Variants in CES4A observed in about 807,000 individuals in gnomAD.
CES4A encodes the protein carboxylesterase 4A, also known as carboxylesterase 6.
CES4A carries 48 observed loss-of-function variants against 65.4 expected under a neutral mutation model. The ratio of observed to expected loss-of-function variants is 0.73; its 90% CI spans 0.58 to 0.93. CES4A has a LOEUF of 0.93. Ranked by LOEUF, CES4A falls within the 40% of genes least tolerant of loss-of-function variation. CES4A has a pLI of 0.00. For missense variants in CES4A, 685 were observed against 728.5 expected, an observed-to-expected ratio of 0.94 and a Z score of 0.69; for synonymous variants, 247 against 281.8, an observed-to-expected ratio of 0.88 and a Z score of 1.24.
intron 10 of CES4A, 79 bp from the exon 11 acceptor site, chr16:67,005,161 A>C: frequency 1.1e-5 from 16 of 1,394,794 alleles, no homozygotes; most frequent in African/African-American, 1.4e-5. Flanking sequence ...GGGGCTGAGC[A>C]TGGATCCAAG....
rs1357116828 is a variant in CES4A, at chr16:67,001,397, G to A, written c.626G>A (p.Gly209Glu). 6.2e-7 allele frequency: 1 copy of A among 1,613,804 alleles called. No individual in the cohort carries two copies. Among genetic ancestry groups the A allele is most frequent in the Non-Finnish European group, 8.5e-7 (1 of 1,179,922 alleles). ...GTGCAGGAGAACATCGCAGCCTTCG[G>A]GGGAGACCCAGGAAATGTGACCCTG... Residue 209 changes from glycine to glutamate, a missense_variant, in exon 5 of 14, where the codon GGG becomes GAG. Transcript: ENST00000648724. This position sits in a 1 kb window ranked among gnomAD's most constrained non-coding sequence, Gnocchi z 4.1.
chr16:67,000,871 C>T lies in CES4A; in HGVS notation c.417C>T (p.Phe139=). The change falls in exon 4 of 14, where the codon TTC becomes TTT. Residue 139 remains phenylalanine, a synonymous_variant. Coordinates refer to ENST00000648724, the Ensembl canonical transcript of CES4A. This position sits in a 1 kb window ranked among gnomAD's most constrained non-coding sequence, Gnocchi z 4.2. Reference sequence around the variant, plus strand: ...TCTTCGTCCAGGTGATGGTCTGGTTCCCGGGAGGCGCCTTCATCGTGGGCG... The same window carrying T: ...TCTTCGTCCAGGTGATGGTCTGGTTTCCGGGAGGCGCCTTCATCGTGGGCG... 1.2e-6 allele frequency: 2 copies of T among 1,601,310 alleles called. No individual in the cohort carries two copies. Among genetic ancestry groups the T allele is most frequent in the South Asian group, 1.1e-5 (1 of 88,862 alleles).
intron 11 of CES4A, chr16:67,005,718 G>A (rs530340118): frequency 2.1e-4 from 54 of 255,746 alleles, no homozygotes; most frequent in African/African-American, 2.5e-4. Flanking sequence ...CTGTAGTGGC[G>A]CATGCCTATA....
chr16:66,994,528 G>T (rs1349688334), intron 1 of CES4A, among the ~76,000 whole-genome samples: 1 of 150,336 alleles, frequency 6.7e-6, no homozygotes, highest in Non-Finnish European at 1.5e-5. Flanking sequence ...ACTTTTATAT[G>T]CTTACTGATA....
At chr16:67,009,183 C>T (rs765378097) in exon 14 of CES4A, 2 of 1,580,156 alleles carry the variant, frequency 1.3e-6, no homozygotes, top group East Asian at 4.5e-5. Flanking sequence ...GGTTTGCCCC[C>T]ACCATCCAGG....
Position 67,000,516 on chromosome 16 carries a change from TGCGCACGCACAC to T in CES4A, c.261-119_261-108del. ...TCCTGTACACGCACACGCACGCACA[TGCGCACGCACAC>T]GCACGCGCACAGACGCTGCCTGGAT... On this transcript the variant is annotated intron_variant, in intron 2 of 13. Coordinates refer to ENST00000648724, the Ensembl canonical transcript of CES4A. This position sits in a 1 kb window ranked among gnomAD's most constrained non-coding sequence, Gnocchi z 4.2. 1 of 1,450,268 alleles carries T rather than the reference TGCGCACGCACAC, an allele frequency of 6.9e-7. No homozygotes were observed. Among genetic ancestry groups the T allele is most frequent in the Non-Finnish European group, 9.1e-7 (1 of 1,099,802 alleles). The allele number at this position is 1,450,268 out of a possible 1,614,324, so 89.8% of individuals were successfully genotyped here. A position where few individuals can be genotyped will look rare whatever the true frequency, so the allele number is the denominator to read the frequency against.
intron 5 of CES4A, among the ~76,000 whole-genome samples, chr16:67,002,857 C>G (rs747673514): frequency 2.6e-5 from 4 of 152,112 alleles, no homozygotes; most frequent in Non-Finnish European, 4.4e-5. Flanking sequence ...CACATCCCCT[C>G]TGGAACCCAC....
At chr16:66,990,952 G>T (rs777945229) in intron 1 of CES4A, among the ~76,000 whole-genome samples, 3 of 152,058 alleles carry the variant, frequency 2.0e-5, no homozygotes, top group Non-Finnish European at 2.9e-5. Flanking sequence ...TTTCACAGGG[G>T]AGAGACCCAG....
chr16:67,005,172 T>TCA, intron 10 of CES4A, 68 bp from the exon 11 acceptor site: 2 of 1,518,126 alleles, frequency 1.3e-6, no homozygotes, highest in Non-Finnish European at 1.8e-6. Flanking sequence ...TGGATCCAAG[T>TCA]CACTGGTGGG....
chr16:66,994,976 C>T (rs892722394), intron 1 of CES4A, among the ~76,000 whole-genome samples: 1 of 151,884 alleles, frequency 6.6e-6, no homozygotes, highest in African/African-American at 2.4e-5. Flanking sequence ...TGCACTCCAG[C>T]CTGGGCGATA....
At chr16:67,005,421 A>G in intron 11 of CES4A, 28 bp downstream of exon 11, 2 of 1,608,616 alleles carry the variant, frequency 1.2e-6, no homozygotes, top group African/African-American at 1.3e-5. Flanking sequence ...GAGTGGCCAC[A>G]CTGGCCCCGT....
chr16:66,999,966 G>T (rs976771528), intron 2 of CES4A, among the ~76,000 whole-genome samples: 5 of 152,118 alleles, frequency 3.3e-5, no homozygotes, highest in Admixed American at 2.6e-4. Flanking sequence ...GGGAGGCAAG[G>T]GGCCACATGT....
intron 13 of CES4A, chr16:67,008,668 G>A: frequency 4.0e-6 from 1 of 250,282 alleles, no homozygotes; most frequent in Non-Finnish European, 7.7e-6. Context: ...CCAAAGTGCT[G>A]GGATTACAGG....
At chr16:66,994,347 T>C (rs1389628851) in intron 1 of CES4A, among the ~76,000 whole-genome samples, 2 of 147,834 alleles carry the variant, frequency 1.4e-5, no homozygotes, top group African/African-American at 4.9e-5. Flanking sequence ...GCAATTCTCC[T>C]GCCTCAGCCT....
rs1965307266 is a variant in CES4A at position 67,001,161 on chromosome 16, C to A, written c.537-147C>A. The A allele has an allele frequency of 2.8e-5, 38 of 1,355,062 alleles. No homozygotes were observed. The South Asian group carries it at 5.5e-4, about 20-fold the overall frequency. The allele number at this position is 1,355,062 out of a possible 1,614,324, so 83.9% of individuals were successfully genotyped here. A position where few individuals can be genotyped will look rare whatever the true frequency, so the allele number is the denominator to read the frequency against. ...GGCGCTCCATACCATCTGGATGGGG[C>A]GAGCTAACTCCAAGGAAGGGGGTGT... On this transcript the variant is annotated intron_variant, in intron 4 of 13. Coordinates refer to ENST00000648724, the Ensembl canonical transcript of CES4A. This position sits in a 1 kb window ranked among gnomAD's most constrained non-coding sequence, Gnocchi z 4.1.
chr16:67,010,267 T>C (rs1966066108), downstream of CES4A, among the ~76,000 whole-genome samples: 1 of 151,750 alleles, frequency 6.6e-6, no homozygotes, highest in African/African-American at 2.4e-5. Context: ...GGTTTCATCA[T>C]GTCAGCCAGG....
At chr16:66,990,305 G>A (rs961352414) in intron 1 of CES4A, among the ~76,000 whole-genome samples, 9 of 152,068 alleles carry the variant, frequency 5.9e-5, no homozygotes, top group East Asian at 5.8e-4. Context: ...CACCTGCCTC[G>A]GCCTCCCAAA....
intron 2 of CES4A, among the ~76,000 whole-genome samples, chr16:66,996,940 C>T (rs72796186): frequency 0.01 from 1,566 of 151,934 alleles, 8 homozygotes; most frequent in Middle Eastern, 0.027. Context: ...CCTGTGGTCC[C>T]AGTTACTCTA....
intron 13 of CES4A, 196 bp downstream of exon 13, chr16:67,007,013 T>G (rs1188522848): frequency 3.4e-6 from 2 of 580,964 alleles, no homozygotes; most frequent in Non-Finnish European, 6.1e-6. Context: ...TCCTTCTTGA[T>G]CCATGACCCA....
Sources: gnomAD v4.1 joint callset for allele counts (sites outside exome capture counted in the v4.1 genomes callset) on GRCh38, gnomAD v4.1.1 for gene constraint, Gnocchi (gnomAD v3.1) non-coding constraint, MANE v1.5 for transcripts, NCBI Gene and HGNC (gene_info 2026-07-23, HGNC 2026-07-21) for gene names.